Variants in RAD51B observed in about 807,000 individuals in gnomAD.
RAD51B encodes DNA repair protein RAD51 homolog 2.
Under a neutral mutation model 42.2 loss-of-function variants are expected in RAD51B, and 38 were observed. The ratio of observed to expected loss-of-function variants is 0.90; its 90% CI spans 0.70 to 1.18. RAD51B has a LOEUF of 1.18. RAD51B is among the 50% of genes most tolerant of loss of function. The pLI is 0.00. For missense variants in RAD51B, 373 were observed against 400.7 expected, an observed-to-expected ratio of 0.93 and a Z score of 0.59; for synonymous variants, 154 against 145.2, an observed-to-expected ratio of 1.06 and a Z score of -0.43.
At position 68,072,057 on chromosome 14, in the gene RAD51B, ATATAT is replaced by A. The variant is rs1566622688; in HGVS notation, c.756+184855_756+184859del. Among the ~76,000 whole-genome samples, 29 of 119,168 alleles carry A rather than the reference ATATAT, an allele frequency of 2.4e-4. 1 individual carries two copies. The highest frequency in any genetic ancestry group is 1.0e-3 in the African/African-American group (24 of 23,354). 78.2% of individuals were successfully genotyped at this position (119,168 alleles called of 152,430 possible). ...AGATTTTATATATATATATAATTAT[ATATAT>A]TTATATAAATATATAAATATATATA... On this transcript the variant is annotated intron_variant, in intron 7 of 10. Transcript: ENST00000471583.
At chr14:67,924,852 C>T (rs1193378072) in intron 7 of RAD51B, among the ~76,000 whole-genome samples, 1 of 152,216 alleles carries the variant, frequency 6.6e-6, no homozygotes, top group Admixed American at 6.5e-5. Flanking sequence ...CAACTCATTT[C>T]AGCATTAACT....
intron 8 of RAD51B, among the ~76,000 whole-genome samples, chr14:68,395,353 A>G (rs928926330): frequency 6.6e-6 from 1 of 152,098 alleles, no homozygotes; most frequent in South Asian, 2.1e-4. Context: ...GCTACTTTTA[A>G]AGTTTGTGAT....
chr14:68,492,560 C>T (rs1884159778), intron 10 of RAD51B, among the ~76,000 whole-genome samples: 1 of 152,220 alleles, frequency 6.6e-6, no homozygotes. Flanking sequence ...GCAAAAACTG[C>T]TGACATTTGT....
chr14:68,210,043 T>C (rs1247193882), intron 7 of RAD51B, among the ~76,000 whole-genome samples: 1 of 150,484 alleles, frequency 6.6e-6, no homozygotes, highest in Non-Finnish European at 1.5e-5. Context: ...CACTGCAACC[T>C]CCGCCACCCG....
intron 10 of RAD51B, among the ~76,000 whole-genome samples, chr14:68,475,869 A>C (rs1378887638): frequency 6.6e-6 from 1 of 152,154 alleles, no homozygotes; most frequent in Non-Finnish European, 1.5e-5. Context: ...AACAGTACCA[A>C]AATATGTTAA....
chr14:68,430,307 G>A (rs1391908704), intron 9 of RAD51B, among the ~76,000 whole-genome samples: 1 of 152,144 alleles, frequency 6.6e-6, no homozygotes, highest in Non-Finnish European at 1.5e-5. Context: ...AGCTTTATGG[G>A]GATGGCATTG....
chr14:68,109,075 T>C (rs2077421735), intron 7 of RAD51B, among the ~76,000 whole-genome samples: 1 of 152,010 alleles, frequency 6.6e-6, no homozygotes, highest in Non-Finnish European at 1.5e-5. Flanking sequence ...GTTATATTAC[T>C]TTTCAAACCA....
At chr14:68,106,351 A>T (rs902017882) in intron 7 of RAD51B, among the ~76,000 whole-genome samples, 2 of 151,928 alleles carry the variant, frequency 1.3e-5, no homozygotes, top group Non-Finnish European at 2.9e-5. Context: ...ATTTAAAAAA[A>T]ATTAGAGTAC....
At chr14:67,827,309 C>T (rs1442721099) in intron 3 of RAD51B, among the ~76,000 whole-genome samples, 4 of 152,124 alleles carry the variant, frequency 2.6e-5, no homozygotes, top group Non-Finnish European at 5.9e-5. Context: ...AGCATGGTCC[C>T]GAAATTCAAC....
chr14:68,244,859 T>A (rs2080462734), intron 7 of RAD51B, among the ~76,000 whole-genome samples: 1 of 152,160 alleles, frequency 6.6e-6, no homozygotes, highest in South Asian at 2.1e-4. Flanking sequence ...TTTCCTAGAC[T>A]TTCCCATAAC....
At chr14:67,932,563 G>A (rs1248182696) in intron 7 of RAD51B, among the ~76,000 whole-genome samples, 3 of 152,144 alleles carry the variant, frequency 2.0e-5, no homozygotes, top group East Asian at 1.9e-4. Flanking sequence ...TGCTGAGGTG[G>A]TGGTGGCAGA....
At chr14:68,617,907 G>A (rs1268365652) in intron 10 of RAD51B, among the ~76,000 whole-genome samples, 2 of 152,150 alleles carry the variant, frequency 1.3e-5, no homozygotes, top group African/African-American at 2.4e-5. Context: ...AATCCCAAGG[G>A]ATACAGGGGG....
intron 4 of RAD51B, among the ~76,000 whole-genome samples, chr14:67,857,162 A>C (rs2042022469): frequency 6.6e-6 from 1 of 152,236 alleles, no homozygotes; most frequent in Non-Finnish European, 1.5e-5. Flanking sequence ...CCTGAAAAAA[A>C]ATGAAATGTA....
chr14:68,104,906 C>T (rs529771423), intron 7 of RAD51B, among the ~76,000 whole-genome samples: 1 of 152,116 alleles, frequency 6.6e-6, no homozygotes, highest in South Asian at 2.1e-4. Flanking sequence ...TTTACTATGC[C>T]TGCACAGGAG....
intron 3 of RAD51B, among the ~76,000 whole-genome samples, chr14:67,826,149 G>C (rs2040826568): frequency 6.6e-6 from 1 of 152,062 alleles, no homozygotes; most frequent in African/African-American, 2.4e-5. Flanking sequence ...TAGTTCAAAA[G>C]GTCATCTTTC....
At chr14:68,598,977 CCCCAGCAGGGCAGAGGAAG>C (rs887778107), downstream of RAD51B, among the ~76,000 whole-genome samples, 4 of 152,158 alleles carry the variant, frequency 2.6e-5, no homozygotes, top group Admixed American at 2.6e-4. Context: ...GAAAAAAAAT[CCCCAGCAGGGCAGAGGAAG>C]CTGCAGGCCT....
intron 7 of RAD51B, among the ~76,000 whole-genome samples, chr14:68,118,132 T>C (rs1218525952): frequency 6.6e-6 from 1 of 152,228 alleles, no homozygotes; most frequent in African/African-American, 2.4e-5. Flanking sequence ...TGAAAAGAGT[T>C]ATTAAAAAAT....
intron 7 of RAD51B, among the ~76,000 whole-genome samples, chr14:68,269,231 C>G (rs928501663): frequency 6.6e-6 from 1 of 152,222 alleles, no homozygotes; most frequent in Admixed American, 6.5e-5. Flanking sequence ...ACAATCAGCA[C>G]ATTTTAAAAC....
At chr14:68,540,679 T>C (rs1019911629) in intron 10 of RAD51B, 1 of 985,186 alleles carries the variant, frequency 1.0e-6, no homozygotes, top group African/African-American at 1.7e-5. Context: ...GGGACCCTAA[T>C]TGAATGTGAA....
Sources: allele counts gnomAD v4.1 joint callset (sites outside exome capture counted in the v4.1 genomes callset), GRCh38; gene constraint gnomAD v4.1.1; transcripts MANE v1.5; gene names NCBI Gene and HGNC (gene_info 2026-07-23, HGNC 2026-07-21).